Variants in BHMT observed in about 807,000 individuals in gnomAD.
BHMT encodes the protein betaine--homocysteine S-methyltransferase 1.
BHMT carries 38 observed loss-of-function variants against 49.5 expected under a neutral mutation model. That is an observed-to-expected ratio of 0.77 (90% CI 0.59 to 1.01). The LOEUF is 1.01. BHMT is among the 50% of genes least tolerant of loss of function. The probability of loss-of-function intolerance (pLI) is 0.00; values close to 1 mark genes in which losing one functional copy is unlikely to be tolerated. For missense variants in BHMT, 426 were observed against 495.7 expected, an observed-to-expected ratio of 0.86 and a Z score of 1.34; for synonymous variants, 166 against 176.3, an observed-to-expected ratio of 0.94 and a Z score of 0.46.
chr5:79,130,619 T>C (rs1756621122), intron 7 of BHMT, among the ~76,000 whole-genome samples: 2 of 151,358 alleles, frequency 1.3e-5, no homozygotes, highest in Admixed American at 6.6e-5. Context: ...CCTGAGCACA[T>C]GATTTTTTCA....
At chr5:79,124,816 T>C (rs1241682136) in intron 5 of BHMT, among the ~76,000 whole-genome samples, 1 of 152,228 alleles carries the variant, frequency 6.6e-6, no homozygotes, top group Non-Finnish European at 1.5e-5. Context: ...AAATGATTGA[T>C]AGGCTAGTAA....
intron 1 of BHMT, 79 bp downstream of exon 1, chr5:79,111,997 GGCCC>G: frequency 7.0e-7 from 1 of 1,432,296 alleles, no homozygotes; most frequent in Non-Finnish European, 9.3e-7. Flanking sequence ...AGCGCAGAGG[GGCCC>G]TCGGACCCTG....
rs1756645639 is a variant in BHMT, at chr5:79,131,714, G to A, written c.*598G>A. On this transcript the variant is annotated 3_prime_UTR_variant, in exon 8 of 8. Transcript: ENST00000274353. The stretch of plus-strand genomic sequence containing the variant: ...AATGGATTTTTATGACCCACTACTG[G>A]GTTTGGATCCACAGTTTGAAAAATA... 1 of 152,068 alleles carries A rather than the reference G, an allele frequency of 6.6e-6. No homozygotes were observed. Among genetic ancestry groups the A allele is most frequent in the African/African-American group, 2.4e-5 (1 of 41,380 alleles). The allele number at this position is 152,068 out of a possible 1,614,324, so 9.4% of individuals were successfully genotyped here. A position where few individuals can be genotyped will look rare whatever the true frequency, so the allele number is the denominator to read the frequency against.
At chr5:79,117,082 A>G (rs942929568) in intron 2 of BHMT, among the ~76,000 whole-genome samples, 2 of 152,242 alleles carry the variant, frequency 1.3e-5, no homozygotes, top group African/African-American at 4.8e-5. Flanking sequence ...GATCATACTT[A>G]GAGAATCACT....
intron 5 of BHMT, among the ~76,000 whole-genome samples, chr5:79,121,863 A>G (rs981430381): frequency 6.6e-6 from 1 of 151,610 alleles, no homozygotes; most frequent in Admixed American, 6.6e-5. Flanking sequence ...GTTTCCAATC[A>G]TCGAGAATGT....
At chr5:79,113,615 A>G (rs574615146) in intron 1 of BHMT, among the ~76,000 whole-genome samples, 1 of 152,354 alleles carries the variant, frequency 6.6e-6, no homozygotes, top group East Asian at 1.9e-4. Flanking sequence ...ATTCTGGTGT[A>G]TATTCTGCTA....
At position 79,111,902 on chromosome 5, in the gene BHMT, G is replaced by A. The variant is rs866217496; in HGVS notation, c.17G>A (p.Gly6Asp). 1.9e-6 allele frequency: 3 copies of A among 1,610,764 alleles called. No homozygotes were observed. Among genetic ancestry groups the A allele is most frequent in the South Asian group, 1.1e-5 (1 of 90,506 alleles). Residue 6 changes from glycine to aspartate, a missense_variant, in exon 1 of 8, where the codon GGC becomes GAC. Transcript: ENST00000274353. MPPVG[G>D]KKAKKGILER... ...ACCACGAAGATGCCACCCGTTGGGG[G>A]CAAAAAGGCCAAGAAGGTGAGTCTC...
chr5:79,128,635 T>C (rs976575662), intron 7 of BHMT, among the ~76,000 whole-genome samples: 22 of 152,160 alleles, frequency 1.4e-4, no homozygotes, highest in African/African-American at 5.1e-4. Flanking sequence ...ACAATACTCT[T>C]AAATTGCATT....
rs1561257150 is a variant in BHMT, at chr5:79,131,118, C to T, written c.*2C>T. On this transcript the variant is annotated 3_prime_UTR_variant, in exon 8 of 8. Coordinates refer to ENST00000274353, the MANE Select transcript of BHMT (RefSeq NM_001713.3). ...AAACAAAAATTCAAATCACAGTAGC[C>T]TCGATAGAAGCTATTTTTGATGAAT... The T allele has an allele frequency of 1.2e-6, 2 of 1,607,132 alleles. No homozygotes were observed. The highest frequency in any genetic ancestry group is 1.7e-6 in the Non-Finnish European group (2 of 1,176,784).
intron 3 of BHMT, chr5:79,119,645 G>A (rs1224492152): frequency 3.0e-5 from 9 of 295,088 alleles, no homozygotes; most frequent in African/African-American, 1.5e-4. Flanking sequence ...GAGTAAATTG[G>A]GCAACCTTAC....
At chr5:79,121,996 C>T (rs1346601556) in intron 5 of BHMT, among the ~76,000 whole-genome samples, 1 of 151,532 alleles carries the variant, frequency 6.6e-6, no homozygotes, top group Non-Finnish European at 1.5e-5. Context: ...GGCTGGAGTG[C>T]AATGGCGCAA....
intron 2 of BHMT, among the ~76,000 whole-genome samples, chr5:79,117,510 A>C (rs988265053): frequency 7.9e-5 from 12 of 152,236 alleles, no homozygotes; most frequent in African/African-American, 2.9e-4. Flanking sequence ...TTAAAAAATC[A>C]TGGAAAATCT....
chr5:79,127,558 T>C (rs1756570987), intron 6 of BHMT, among the ~76,000 whole-genome samples, 197 bp from the exon 7 acceptor site: 1 of 152,242 alleles, frequency 6.6e-6, no homozygotes, highest in Non-Finnish European at 1.5e-5. Context: ...AGGGGTCATT[T>C]GGAACCTCCT....
At chr5:79,118,090 C>A (rs1048038019) in intron 2 of BHMT, among the ~76,000 whole-genome samples, 1 of 152,148 alleles carries the variant, frequency 6.6e-6, no homozygotes, top group African/African-American at 2.4e-5. Context: ...CAGCTTAGGA[C>A]AGCTATTTTA....
chr5:79,114,603 A>G (rs1356892298), intron 1 of BHMT, among the ~76,000 whole-genome samples: 3 of 152,224 alleles, frequency 2.0e-5, no homozygotes, highest in Non-Finnish European at 4.4e-5. Flanking sequence ...CTGGGTAAAT[A>G]CGTCCCAAGT....
At chr5:79,122,188 G>A (rs1258495328) in intron 5 of BHMT, among the ~76,000 whole-genome samples, 1 of 151,986 alleles carries the variant, frequency 6.6e-6, no homozygotes, top group African/African-American at 2.4e-5. Flanking sequence ...TGATCCACCC[G>A]CCTCGGCCTC....
At chr5:79,116,802 T>A (rs942889347) in intron 2 of BHMT, among the ~76,000 whole-genome samples, 3 of 152,176 alleles carry the variant, frequency 2.0e-5, no homozygotes, top group African/African-American at 7.2e-5. Flanking sequence ...AAAATGAAGG[T>A]AATCAATTAG....
At chr5:79,121,496 T>C (rs1369965262) in intron 5 of BHMT, 131 bp downstream of exon 5, 1 of 1,284,078 alleles carries the variant, frequency 7.8e-7, no homozygotes, top group Non-Finnish European at 1.0e-6. Flanking sequence ...GTAAGAATAT[T>C]GATATTATTG....
chr5:79,121,272 G>A lies in BHMT; in HGVS notation c.532G>A (p.Gly178Ser), dbSNP rs548757864. 6 of 1,614,184 alleles carry A rather than the reference G, an allele frequency of 3.7e-6. No individual in the cohort carries two copies. Among genetic ancestry groups the A allele is most frequent in the Admixed American group, 1.7e-5 (1 of 60,028 alleles). Residue 178 changes from glycine to serine, a missense_variant, in exon 5 of 8, where the codon GGT becomes AGT. Physicochemically the swap from Gly to Ser is moderately conservative, Grantham distance 56. Around this residue, in one of 3 missense-constraint regions of BHMT, gnomAD observed 321 missense variants for 355.9 expected, o/e 0.90. Transcript: ENST00000274353. ...VWAVETLIAS[G>S]KPVAATMCIG... Reference sequence around the variant, plus strand: ...GGCAGTTGAAACCTTGATAGCATCCGGTAAACCTGTGGCAGCAACCATGTG... The same window carrying A: ...GGCAGTTGAAACCTTGATAGCATCCAGTAAACCTGTGGCAGCAACCATGTG...
Sources: allele counts gnomAD v4.1 joint callset (sites outside exome capture counted in the v4.1 genomes callset), GRCh38; gene constraint gnomAD v4.1.1; regional missense constraint gnomAD v4.1.1; transcripts MANE v1.5; gene names NCBI Gene and HGNC (gene_info 2026-07-23, HGNC 2026-07-21).